The following NRXN1 variants were observed in gnomAD, a reference collection of about 807,000 sequenced individuals.
The protein encoded by NRXN1 is neurexin-1.
A neutral mutation model predicts 150.9 loss-of-function variants in NRXN1; 39 were observed. The ratio of observed to expected loss-of-function variants is 0.26; its 90% CI spans 0.20 to 0.34. NRXN1 has a LOEUF of 0.34. Ranked by LOEUF, NRXN1 falls within the 10% of genes least tolerant of loss-of-function variation. NRXN1 has a pLI of 1.00. For synonymous variants in NRXN1, 924 were observed against 757.0 expected (o/e 1.22, Z -3.62); for missense variants, 1,815 against 1,949.9 (o/e 0.93, Z 1.30).
intron 17 of NRXN1, among the ~76,000 whole-genome samples, chr2:50,445,280 G>A (rs1040919106): frequency 1.3e-5 from 2 of 152,178 alleles, no homozygotes; most frequent in African/African-American, 4.8e-5. Flanking sequence ...TCCTGGAACA[G>A]TTGTAAGGAA....
At position 50,991,915 on chromosome 2, in the gene NRXN1, G is replaced by A. The variant is rs193153631; in HGVS notation, c.772+35587C>T. The stretch of plus-strand genomic sequence containing the variant: ...ATGTGGCAACTGCTCTGGAATTTCC[G>A]CCATTATTTTCTAAGCATTTTATCT... On this transcript the variant is annotated intron_variant, in intron 2 of 22. Transcript: ENST00000401669. 2.0e-3 allele frequency among the ~76,000 whole-genome samples: 304 copies of A among 151,986 alleles called. 1 individual carries two copies. The highest frequency in any genetic ancestry group is 7.0e-3 in the African/African-American group (290 of 41,492).
At chr2:50,677,321 G>C (rs1689696454) in intron 5 of NRXN1, among the ~76,000 whole-genome samples, 1 of 152,052 alleles carries the variant, frequency 6.6e-6, no homozygotes, top group African/African-American at 2.4e-5. Flanking sequence ...ATTTAACTTT[G>C]GCATGTCTGT....
At chr2:50,476,696 T>C (rs559246173) in intron 15 of NRXN1, among the ~76,000 whole-genome samples, 1 of 152,282 alleles carries the variant, frequency 6.6e-6, no homozygotes, top group South Asian at 2.1e-4. Flanking sequence ...GTCAATTTTA[T>C]AAATTCTCCA....
chr2:50,109,028 T>C (rs77665222), intron 18 of NRXN1, among the ~76,000 whole-genome samples: 13,728 of 152,132 alleles, frequency 0.09, 706 homozygotes, highest in Middle Eastern at 0.16. Flanking sequence ...GGCAAAGATA[T>C]TGAGCAAAAT....
intron 17 of NRXN1, among the ~76,000 whole-genome samples, chr2:50,259,585 T>C (rs1466972147): frequency 6.6e-6 from 1 of 151,870 alleles, no homozygotes; most frequent in South Asian, 2.1e-4. Flanking sequence ...CCCTCTTTTG[T>C]AGATTTTTGC....
rs1333614060 is a variant in NRXN1 at position 50,107,517 on chromosome 2, C to CTATATATA, written c.3547-16024_3547-16023insTATATATA. ...TTATTGTCACATGCTACATTCCAGA[C>CTATATATA]TACATATATATATATATATATATTT... On this transcript the variant is annotated intron_variant, in intron 18 of 22. Transcript: ENST00000401669. Among the ~76,000 whole-genome samples the CTATATATA allele has an allele frequency of 2.0e-3, 250 of 123,720 alleles. 4 individuals carry two copies. Among genetic ancestry groups the CTATATATA allele is most frequent in the Admixed American group, 3.4e-3 (42 of 12,472 alleles). 81.2% of individuals were successfully genotyped at this position (123,720 alleles called of 152,430 possible).
At chr2:50,666,851 G>T (rs1377579577) in intron 5 of NRXN1, among the ~76,000 whole-genome samples, 2 of 97,974 alleles carry the variant, frequency 2.0e-5, no homozygotes, top group Non-Finnish European at 4.2e-5. Flanking sequence ...TGATGATGAT[G>T]ATGATGATGA....
chr2:49,940,556 A>C (rs1671806428), intron 22 of NRXN1, among the ~76,000 whole-genome samples: 1 of 152,210 alleles, frequency 6.6e-6, no homozygotes, highest in South Asian at 2.1e-4. Flanking sequence ...ATTCAGACTT[A>C]AACAGGATTC....
At chr2:50,173,065 C>T (rs1244619362) in intron 18 of NRXN1, among the ~76,000 whole-genome samples, 3 of 152,184 alleles carry the variant, frequency 2.0e-5, no homozygotes, top group Admixed American at 2.0e-4. Context: ...TTCTCCATTA[C>T]ACTGCAATCA....
At chr2:50,075,062 G>T (rs1330643897) in intron 19 of NRXN1, among the ~76,000 whole-genome samples, 2 of 152,176 alleles carry the variant, frequency 1.3e-5, no homozygotes, top group East Asian at 3.8e-4. Context: ...GAACACTGTA[G>T]TCAGGAAAAT....
At chr2:50,386,639 C>T (rs2081346892) in intron 17 of NRXN1, among the ~76,000 whole-genome samples, 1 of 152,132 alleles carries the variant, frequency 6.6e-6, no homozygotes. Context: ...CTGATGGCAT[C>T]TTATGCCCCC....
At chr2:50,244,852 G>T (rs1257452053) in intron 17 of NRXN1, among the ~76,000 whole-genome samples, 1 of 151,432 alleles carries the variant, frequency 6.6e-6, no homozygotes, top group Non-Finnish European at 1.5e-5. Flanking sequence ...CATCTATTTT[G>T]GATTTTTAAA....
chr2:50,114,615 T>C (rs1274829967), intron 18 of NRXN1, among the ~76,000 whole-genome samples: 1 of 152,138 alleles, frequency 6.6e-6, no homozygotes, highest in Non-Finnish European at 1.5e-5. Flanking sequence ...CAAGATGTCC[T>C]TCAGTAGGTG....
At chr2:50,973,314 G>A (rs1470462100) in intron 2 of NRXN1, among the ~76,000 whole-genome samples, 3 of 152,104 alleles carry the variant, frequency 2.0e-5, no homozygotes, top group East Asian at 3.9e-4. Context: ...GCTCAGAGAG[G>A]TGCAGAGACA....
chr2:50,019,150 C>G (rs988085541), intron 21 of NRXN1: 13 of 469,818 alleles, frequency 2.8e-5, no homozygotes, highest in African/African-American at 2.6e-4. Flanking sequence ...GGTTCGATTA[C>G]TCATCCTATC....
At chr2:49,945,234 T>C (rs1672683890) in intron 21 of NRXN1, 1 of 152,238 alleles carries the variant, frequency 6.6e-6, no homozygotes, top group African/African-American at 2.4e-5. Context: ...GGTGAAAATA[T>C]TGGTTTGCCT....
At chr2:50,373,409 C>T (rs897862975) in intron 17 of NRXN1, among the ~76,000 whole-genome samples, 1 of 149,364 alleles carries the variant, frequency 6.7e-6, no homozygotes, top group African/African-American at 2.5e-5. Flanking sequence ...CTCTTCCACT[C>T]CCGGCAGCTG....
intron 17 of NRXN1, among the ~76,000 whole-genome samples, chr2:50,317,333 TA>T (rs2075691065): frequency 6.6e-6 from 1 of 151,602 alleles, no homozygotes; most frequent in South Asian, 2.1e-4. Flanking sequence ...GAGCAAGAAA[TA>T]ATTGAAAATG....
chr2:49,936,817 TACACACACACAC>T (rs58323578), intron 22 of NRXN1, among the ~76,000 whole-genome samples: 3 of 148,498 alleles, frequency 2.0e-5, no homozygotes, highest in Non-Finnish European at 3.0e-5. Context: ...AAAACATATG[TACACACACACAC>T]ACACACACAC....
Sources: allele counts gnomAD v4.1 joint callset (sites outside exome capture counted in the v4.1 genomes callset), GRCh38; gene constraint gnomAD v4.1.1; transcripts MANE v1.5; gene names NCBI Gene and HGNC (gene_info 2026-07-23, HGNC 2026-07-21).